Variants in CRB1 observed in about 807,000 individuals in gnomAD.
The protein encoded by CRB1 is protein crumbs homolog 1.
Under a neutral mutation model 120.0 loss-of-function variants are expected in CRB1, and 83 were observed. That is an observed-to-expected ratio of 0.69 (90% CI 0.58 to 0.83). The LOEUF is 0.83. Among genes scored for constraint, CRB1 ranks in the 40% least tolerant of loss-of-function variants. The pLI, the probability that CRB1 is intolerant of heterozygous loss-of-function variation, is 0.00. For synonymous variants in CRB1, 625 were observed against 612.5 expected (o/e 1.02, Z -0.30); for missense variants, 1,699 against 1,687.6 (o/e 1.01, Z -0.12).
At chr1:197,217,582 A>G in the CRB1 span, among the ~76,000 whole-genome samples, 1 of 152,222 alleles carries the variant, frequency 6.6e-6, no homozygotes, top group Non-Finnish European at 1.5e-5. Flanking sequence ...GACCACATAT[A>G]GTATGAATCT....
At chr1:197,253,536 G>A in the CRB1 span, among the ~76,000 whole-genome samples, 1 of 151,964 alleles carries the variant, frequency 6.6e-6, no homozygotes, top group Non-Finnish European at 1.5e-5. Flanking sequence ...CCCAAACCTG[G>A]TATGTATTTT....
the CRB1 span, among the ~76,000 whole-genome samples, chr1:197,235,659 G>A: frequency 6.6e-6 from 1 of 152,140 alleles, no homozygotes; most frequent in South Asian, 2.1e-4. Flanking sequence ...AAAATCAGCT[G>A]AGGTGATTTA....
intron 5 of CRB1, among the ~76,000 whole-genome samples, chr1:197,365,501 G>C (rs1038612270): frequency 2.6e-4 from 39 of 152,092 alleles, no homozygotes; most frequent in South Asian, 4.2e-4. Flanking sequence ...CCTCTGGGGA[G>C]GGGGGGAGAA....
intron 5 of CRB1, among the ~76,000 whole-genome samples, chr1:197,359,551 A>G (rs1414403335): frequency 1.3e-5 from 2 of 152,216 alleles, no homozygotes; most frequent in African/African-American, 2.4e-5. Flanking sequence ...TAAAGCTGCT[A>G]GAAACATTGT....
At chr1:197,457,853 G>T (rs1666354940) in intron 11 of CRB1, among the ~76,000 whole-genome samples, 1 of 152,042 alleles carries the variant, frequency 6.6e-6, no homozygotes. Context: ...TTTTTCACTG[G>T]AGAAATTAGT....
chr1:197,455,499 A>G (rs1666246289), intron 11 of CRB1, among the ~76,000 whole-genome samples: 2 of 152,110 alleles, frequency 1.3e-5, no homozygotes, highest in South Asian at 2.1e-4. Flanking sequence ...ACTAATTTTT[A>G]ATTTTAAGAA....
chr1:197,400,692 C>G lies in CRB1; in HGVS notation c.1172-20308C>G, dbSNP rs555141811. Among the ~76,000 whole-genome samples, 51 of 152,228 alleles carry G rather than the reference C, an allele frequency of 3.4e-4. 1 individual carries two copies. Among genetic ancestry groups the G allele is most frequent in the African/African-American group, 1.1e-3 (46 of 41,534 alleles). ...ACAAGGTTTCTCACTCGGATACTAT[C>G]CAGCCCTGATTTAAGGTTTCTCACT... On this transcript the variant is annotated intron_variant, in intron 5 of 11. Coordinates refer to ENST00000367400, the MANE Select transcript of CRB1 (RefSeq NM_201253.3).
chr1:197,304,460 A>T lies in CRB1; in HGVS notation c.71-23962A>T, dbSNP rs192310918. On this transcript the variant is annotated intron_variant, in intron 1 of 11. Transcript: ENST00000367400. ...GGTGTATTCTCACTTAACCTCTATG[A>T]TTTTCATATTCTTCATCTAAAGTTA... 5.8e-5 allele frequency: 47 copies of T among 808,384 alleles called. 1 individual carries two copies. In the East Asian group the frequency reaches 4.9e-3, roughly 84 times the overall value. The allele number at this position is 808,384 out of a possible 1,614,324, so 50.1% of individuals were successfully genotyped here.
intron 8 of CRB1, among the ~76,000 whole-genome samples, chr1:197,433,863 G>A (rs2125497428): frequency 6.6e-6 from 1 of 152,254 alleles, no homozygotes; most frequent in East Asian, 1.9e-4. Flanking sequence ...ATAGAATGCA[G>A]TGTGGATCCA....
intron 1 of CRB1, among the ~76,000 whole-genome samples, chr1:197,312,773 C>G (rs1238835253): frequency 6.6e-6 from 1 of 152,084 alleles, no homozygotes; most frequent in Admixed American, 6.5e-5. Flanking sequence ...AATATATCAA[C>G]TGCATTAATC....
chr1:197,478,098 C>T lies in CRB1; in HGVS notation c.*219C>T, dbSNP rs1190810369. ...AGCCAATTGCAAAAAAAGTCTGTGC[C>T]AGTAATTTCAGCCTTATAATTAGCA... is the stretch of plus-strand genomic sequence containing the variant. On this transcript the variant is annotated 3_prime_UTR_variant, in exon 12 of 12. Transcript: ENST00000367400. 3.5e-6 allele frequency: 2 copies of T among 572,618 alleles called. No homozygotes were observed. Among genetic ancestry groups the T allele is most frequent in the African/African-American group, 3.8e-5 (2 of 53,322 alleles). 35.5% of individuals were successfully genotyped at this position (572,618 alleles called of 1,614,324 possible).
the CRB1 span, among the ~76,000 whole-genome samples, chr1:197,206,429 C>T: frequency 2.0e-5 from 3 of 152,138 alleles, no homozygotes; most frequent in African/African-American, 7.2e-5. Context: ...TTTGCTGTAT[C>T]CCAGAGGTTT....
intron 1 of CRB1, among the ~76,000 whole-genome samples, chr1:197,327,148 G>A (rs1373517158): frequency 6.8e-6 from 1 of 148,022 alleles, no homozygotes; most frequent in Non-Finnish European, 1.5e-5. Context: ...ACCAAGGCTG[G>A]GAGAGGCAGA....
chr1:197,319,342 T>C (rs1020545975), intron 1 of CRB1, among the ~76,000 whole-genome samples: 27 of 131,388 alleles, frequency 2.1e-4, no homozygotes, highest in Non-Finnish European at 3.4e-4. Flanking sequence ...GCAGGAGAAT[T>C]GCCTGAACCT....
At chr1:197,366,288 T>C (rs1661073213) in intron 5 of CRB1, among the ~76,000 whole-genome samples, 1 of 152,198 alleles carries the variant, frequency 6.6e-6, no homozygotes, top group Non-Finnish European at 1.5e-5. Context: ...TACAGTTTAC[T>C]TTTTTACATG....
intron 6 of CRB1, among the ~76,000 whole-genome samples, chr1:197,425,665 C>T (rs1664545069): frequency 6.6e-6 from 1 of 152,128 alleles, no homozygotes; most frequent in South Asian, 2.1e-4. Context: ...AACACTCCCT[C>T]CTCCTGAAAA....
chr1:197,427,045 G>T (rs1174577893), intron 6 of CRB1, among the ~76,000 whole-genome samples: 1 of 152,178 alleles, frequency 6.6e-6, no homozygotes, highest in East Asian at 1.9e-4. Flanking sequence ...CTTGCAGAGG[G>T]TTGCATGAAG....
intron 1 of CRB1, among the ~76,000 whole-genome samples, chr1:197,311,947 A>G (rs769874983): frequency 1.3e-5 from 2 of 152,060 alleles, no homozygotes; most frequent in Non-Finnish European, 2.9e-5. Context: ...CTTTCTTTGT[A>G]CAGAAACTTA....
rs1385322892 is a variant in CRB1, at chr1:197,453,311, A to G, written c.4005+11019A>G. Among the ~76,000 whole-genome samples the G allele has an allele frequency of 3.8e-4, 7 of 18,628 alleles. No homozygotes were observed. The Non-Finnish European group carries it at 0.028, about 75-fold the overall frequency. The allele number at this position is 18,628 out of a possible 152,430, so 12.2% of individuals were successfully genotyped here. ...ATTAAATTAGTATATAAGTATATAT[A>G]TTTATATATAATAAGTATATATAAT... is the stretch of plus-strand genomic sequence containing the variant. On this transcript the variant is annotated intron_variant, in intron 11 of 11. Coordinates refer to ENST00000367400, the MANE Select transcript of CRB1 (RefSeq NM_201253.3).
Sources: gnomAD v4.1 joint callset for allele counts (sites outside exome capture counted in the v4.1 genomes callset) on GRCh38, gnomAD v4.1.1 for gene constraint, MANE v1.5 for transcripts, NCBI Gene and HGNC (gene_info 2026-07-23, HGNC 2026-07-21) for gene names.